The following DRC1 variants were observed in gnomAD, a reference collection of about 807,000 sequenced individuals.
DRC1 encodes dynein regulatory complex protein 1.
A neutral mutation model predicts 98.7 loss-of-function variants in DRC1; 74 were observed. That is an observed-to-expected ratio of 0.75 (90% CI 0.62 to 0.91). DRC1 has a LOEUF of 0.91. Ranked by LOEUF, DRC1 falls within the 40% of genes least tolerant of loss-of-function variation. The pLI is 0.00. For synonymous variants in DRC1, 336 were observed against 334.1 expected, an observed-to-expected ratio of 1.01 and a Z score of -0.06; for missense variants, 875 against 886.0, an observed-to-expected ratio of 0.99 and a Z score of 0.16.
At chr2:26,452,626 C>T (rs576302025) in intron 13 of DRC1, among the ~76,000 whole-genome samples, 8 of 152,184 alleles carry the variant, frequency 5.3e-5, no homozygotes, top group East Asian at 1.9e-4. Context: ...GCAGAAGATT[C>T]GAAACAACCT....
chr2:26,433,775 T>C (rs1663498368), intron 7 of DRC1, among the ~76,000 whole-genome samples: 1 of 152,148 alleles, frequency 6.6e-6, no homozygotes, highest in African/African-American at 2.4e-5. Context: ...CTGGTACCAC[T>C]GGCTGTCCCT....
intron 7 of DRC1, among the ~76,000 whole-genome samples, chr2:26,432,913 T>C (rs1663472983): frequency 6.6e-6 from 1 of 152,234 alleles, no homozygotes; most frequent in Non-Finnish European, 1.5e-5. Context: ...TCTGTCTGGC[T>C]CAAAAGCCTA....
intron 1 of DRC1, among the ~76,000 whole-genome samples, chr2:26,403,210 GCACAGCTACTGTCAACATCCTGCA>G (rs1281012509): frequency 6.6e-6 from 1 of 152,106 alleles, no homozygotes; most frequent in African/African-American, 2.4e-5. Flanking sequence ...CCCCACACAT[GCACAGCTACTGTCAACATCCTGCA>G]CTGGAGGGCA....
chr2:26,443,619 G>A (rs955229425), intron 8 of DRC1, among the ~76,000 whole-genome samples: 8 of 152,270 alleles, frequency 5.3e-5, no homozygotes, highest in Non-Finnish European at 1.0e-4. Flanking sequence ...GTATTGAAAC[G>A]TATCTTTGTA....
At chr2:26,418,410 T>A (rs547145988) in intron 2 of DRC1, among the ~76,000 whole-genome samples, 2 of 149,592 alleles carry the variant, frequency 1.3e-5, no homozygotes, top group Admixed American at 1.4e-4. Flanking sequence ...GCCACCCAGT[T>A]ATCAGTAGAA....
intron 5 of DRC1, 130 bp downstream of exon 5, chr2:26,429,895 G>A (rs1663389174): frequency 4.0e-6 from 4 of 1,012,530 alleles, no homozygotes; most frequent in Non-Finnish European, 5.6e-6. Context: ...TCTGCTCTCA[G>A]GTTTTATTAA....
At chr2:26,453,186 G>A (rs1223368881) in intron 13 of DRC1, 134 bp from the exon 14 acceptor site, 9 of 1,001,182 alleles carry the variant, frequency 9.0e-6, no homozygotes, top group Middle Eastern at 2.7e-4. Flanking sequence ...TCCTGTTTCT[G>A]TCCCTGTGTA....
At chr2:26,440,181 G>A (rs1663679398) in intron 7 of DRC1, among the ~76,000 whole-genome samples, 197 bp from the exon 8 acceptor site, 1 of 151,052 alleles carries the variant, frequency 6.6e-6, no homozygotes, top group Non-Finnish European at 1.5e-5. Context: ...TGCATAGCTA[G>A]GTAAATAAAC....
chr2:26,414,635 C>T (rs529844222), intron 2 of DRC1, among the ~76,000 whole-genome samples: 51 of 152,334 alleles, frequency 3.3e-4, no homozygotes, highest in African/African-American at 1.1e-3. Flanking sequence ...CTTCTCTGCT[C>T]ATGCACTTTT....
chr2:26,449,226 T>G (rs1044855670), intron 11 of DRC1, among the ~76,000 whole-genome samples: 3 of 152,262 alleles, frequency 2.0e-5, no homozygotes, highest in Non-Finnish European at 4.4e-5. Context: ...ATGTCTGCAT[T>G]GTATGTTAGC....
chr2:26,412,413 A>C (rs1678643250), intron 1 of DRC1, among the ~76,000 whole-genome samples: 1 of 152,116 alleles, frequency 6.6e-6, no homozygotes, highest in Non-Finnish European at 1.5e-5. Flanking sequence ...CTGCTGTGTC[A>C]TGTTGAGGTT....
intron 1 of DRC1, among the ~76,000 whole-genome samples, chr2:26,405,398 G>A (rs1046394554): frequency 1.1e-4 from 16 of 152,000 alleles, no homozygotes; most frequent in Admixed American, 3.9e-4. Flanking sequence ...TCTAATGAGG[G>A]AGATGGGAAA....
At position 26,424,424 on chromosome 2, in the gene DRC1, TAAG is replaced by T. The variant is rs773138367; in HGVS notation, c.513_515del (p.Lys171del). ...TGCACTGTGCTGGACTCTTAGAAGA[TAAG>T]AATAAACTCATCAGCGAGTTACAGC... On this transcript the variant is annotated inframe_deletion, in exon 4 of 17. Coordinates refer to ENST00000288710, the MANE Select transcript of DRC1 (RefSeq NM_145038.5). 10 of 1,613,264 alleles carry T rather than the reference TAAG, an allele frequency of 6.2e-6. No homozygotes were observed. Among genetic ancestry groups the T allele is most frequent in the Non-Finnish European group, 7.6e-6 (9 of 1,179,912 alleles).
chr2:26,440,312 A>AGTGT (rs1355802902), intron 7 of DRC1, 66 bp from the exon 8 acceptor site: 1 of 1,102,870 alleles, frequency 9.1e-7, no homozygotes, highest in South Asian at 2.0e-5. Flanking sequence ...GTGTAGAGTT[A>AGTGT]GTGTGTTTGT....
At chr2:26,436,190 G>C (rs771350779) in intron 7 of DRC1, among the ~76,000 whole-genome samples, 1 of 151,386 alleles carries the variant, frequency 6.6e-6, no homozygotes, top group Non-Finnish European at 1.5e-5. Flanking sequence ...ATCTCATCGT[G>C]GTTTTGATTA....
intron 13 of DRC1, among the ~76,000 whole-genome samples, chr2:26,451,780 C>T (rs1239170369): frequency 5.3e-5 from 8 of 152,142 alleles, no homozygotes; most frequent in Admixed American, 5.2e-4. Context: ...CTATATTTGA[C>T]TACAGAATTT....
At chr2:26,455,292 TG>T in intron 16 of DRC1, 59 bp downstream of exon 16, 1 of 1,530,648 alleles carries the variant, frequency 6.5e-7, no homozygotes, top group Non-Finnish European at 9.0e-7. Context: ...GCAGGGGCAC[TG>T]GAGCTGGGAT....
chr2:26,428,155 CT>C (rs1368443806), intron 4 of DRC1, among the ~76,000 whole-genome samples: 4 of 152,234 alleles, frequency 2.6e-5, no homozygotes. Context: ...ATAATTTTAA[CT>C]CTTCCAATTT....
At chr2:26,408,766 G>C (rs1678502961) in intron 1 of DRC1, among the ~76,000 whole-genome samples, 1 of 151,918 alleles carries the variant, frequency 6.6e-6, no homozygotes. Context: ...GGGAGACTCT[G>C]TCTCAAAAAT....
Sources: gnomAD v4.1 joint callset for allele counts (sites outside exome capture counted in the v4.1 genomes callset) on GRCh38, gnomAD v4.1.1 for gene constraint, MANE v1.5 for transcripts, NCBI Gene and HGNC (gene_info 2026-07-23, HGNC 2026-07-21) for gene names.